The following TRERF1 variants were observed in gnomAD, a reference collection of about 807,000 sequenced individuals.
TRERF1 encodes the protein transcriptional-regulating factor 1.
A neutral mutation model predicts 122.9 loss-of-function variants in TRERF1; 27 were observed. The observed-to-expected ratio is 0.22, with a 90% confidence interval of 0.16 to 0.30. TRERF1 has a LOEUF of 0.30. Ranked by LOEUF, TRERF1 falls within the 10% of genes least tolerant of loss-of-function variation. TRERF1 has a pLI of 1.00. For synonymous variants in TRERF1, 636 were observed against 641.7 expected (o/e 0.99, Z 0.13); for missense variants, 1,248 against 1,560.3 (o/e 0.80, Z 3.37).
At chr6:42,266,633 T>C (rs1779256803) in intron 5 of TRERF1, among the ~76,000 whole-genome samples, 1 of 152,214 alleles carries the variant, frequency 6.6e-6, no homozygotes, top group Admixed American at 6.5e-5. Flanking sequence ...CAGAACTTTC[T>C]TTCTATCCAA....
chr6:42,395,709 T>C (rs563594533), intron 2 of TRERF1, among the ~76,000 whole-genome samples: 35 of 152,078 alleles, frequency 2.3e-4, no homozygotes, highest in African/African-American at 7.5e-4. Flanking sequence ...TCCATGGATT[T>C]TTTTCCAAGG....
intron 3 of TRERF1, among the ~76,000 whole-genome samples, chr6:42,362,443 C>T (rs551645885): frequency 1.3e-5 from 2 of 152,368 alleles, no homozygotes; most frequent in East Asian, 3.9e-4. Context: ...GCTTAAAATT[C>T]TATTTATGCA....
At chr6:42,334,391 T>C (rs1027160025) in intron 3 of TRERF1, among the ~76,000 whole-genome samples, 1 of 152,234 alleles carries the variant, frequency 6.6e-6, no homozygotes, top group Non-Finnish European at 1.5e-5. Flanking sequence ...GTCCCAACTC[T>C]AATAGTCTCA....
chr6:42,417,475 A>G (rs1782004574), intron 2 of TRERF1, among the ~76,000 whole-genome samples: 1 of 152,196 alleles, frequency 6.6e-6, no homozygotes, highest in African/African-American at 2.4e-5. Flanking sequence ...ACCTGAGTGA[A>G]GGGTTAGGAC....
chr6:42,288,192 C>T (rs916484292), intron 4 of TRERF1, among the ~76,000 whole-genome samples: 2 of 151,970 alleles, frequency 1.3e-5, no homozygotes, highest in African/African-American at 2.4e-5. Context: ...GAGACAGTGT[C>T]AGTTATATAG....
chr6:42,258,019 G>A, intron 10 of TRERF1, 116 bp downstream of exon 10: 2 of 884,478 alleles, frequency 2.3e-6, no homozygotes, highest in Admixed American at 2.7e-5. Flanking sequence ...AAATAACCAC[G>A]ATCCTACAAT....
chr6:42,330,339 G>T (rs939613860), intron 3 of TRERF1, among the ~76,000 whole-genome samples: 2 of 152,148 alleles, frequency 1.3e-5, no homozygotes, highest in Non-Finnish European at 2.9e-5. Context: ...CTGGCTAGGG[G>T]GAAAAAGCTA....
intron 3 of TRERF1, among the ~76,000 whole-genome samples, chr6:42,345,342 C>T (rs191826591): frequency 1.3e-4 from 20 of 152,274 alleles, no homozygotes; most frequent in African/African-American, 4.6e-4. Flanking sequence ...TACACACACA[C>T]GGGAGAAGCA....
chr6:42,372,066 C>T (rs914256997), intron 2 of TRERF1, among the ~76,000 whole-genome samples: 93 of 152,226 alleles, frequency 6.1e-4, no homozygotes, highest in Non-Finnish European at 1.2e-4. Flanking sequence ...CCTGTAATCC[C>T]AGCTACTCAG....
At chr6:42,262,466 G>A (rs1206729053) in intron 8 of TRERF1, among the ~76,000 whole-genome samples, 6 of 6,402 alleles carry the variant, frequency 9.4e-4, no homozygotes, top group Non-Finnish European at 1.4e-3. Context: ...GAGAGAGAGA[G>A]GAGAGAGAGA....
At chr6:42,283,518 C>A (rs1478765976) in intron 4 of TRERF1, among the ~76,000 whole-genome samples, 5 of 149,542 alleles carry the variant, frequency 3.3e-5, no homozygotes, top group African/African-American at 1.2e-4. Context: ...GGAGATTTTT[C>A]ATTTTATAAC....
At chr6:42,384,328 C>T (rs1020671062) in intron 2 of TRERF1, among the ~76,000 whole-genome samples, 1 of 152,144 alleles carries the variant, frequency 6.6e-6, no homozygotes, top group African/African-American at 2.4e-5. Flanking sequence ...AGAATGAGGG[C>T]ATCCTCTATG....
At chr6:42,292,833 G>C (rs1439356089) in intron 4 of TRERF1, among the ~76,000 whole-genome samples, 1 of 152,092 alleles carries the variant, frequency 6.6e-6, no homozygotes, top group Non-Finnish European at 1.5e-5. Flanking sequence ...AGAAGGGGTG[G>C]GCCCTGTTAG....
intron 2 of TRERF1, among the ~76,000 whole-genome samples, chr6:42,450,767 TAAC>T (rs1415021069): frequency 6.6e-6 from 1 of 152,192 alleles, no homozygotes; most frequent in Non-Finnish European, 1.5e-5. Context: ...GTGGCCACAC[TAAC>T]TTCTGGGGAG....
At chr6:42,409,265 G>A (rs1289945898) in intron 2 of TRERF1, among the ~76,000 whole-genome samples, 1 of 152,070 alleles carries the variant, frequency 6.6e-6, no homozygotes, top group Non-Finnish European at 1.5e-5. Context: ...GGTGCAGTGA[G>A]ACCCAGTCTC....
chr6:42,318,164 A>G (rs1370677149), intron 3 of TRERF1, among the ~76,000 whole-genome samples: 1 of 152,168 alleles, frequency 6.6e-6, no homozygotes, highest in African/African-American at 2.4e-5. Flanking sequence ...CAAAAAAAAA[A>G]AAAAGCTCTT....
rs868560024 is a variant in TRERF1, at chr6:42,263,516, G to A, written c.1688C>T (p.Pro563Leu). The change falls in exon 8 of 18, where the codon CCG becomes CTG. Residue 563 changes from proline to leucine, a missense_variant. By Grantham distance (98) the Pro-to-Leu change is moderately conservative. Around this residue, in one of 5 missense-constraint regions of TRERF1, gnomAD observed 946 missense variants for 1,073.0 expected, o/e 0.88. Transcript: ENST00000372922. This position sits in a 1 kb window ranked among gnomAD's most constrained non-coding sequence, Gnocchi z 5.6. ...CTGTGGTGGCGGCGGAGGCGGAGGC[G>A]GAGGCGGCAGTGGTGGCTGGGGCTG... 6.4e-6 allele frequency: 10 copies of A among 1,567,304 alleles called. No homozygotes were observed. Among genetic ancestry groups the A allele is most frequent in the Admixed American group, 1.8e-5 (1 of 55,968 alleles).
At chr6:42,270,195 C>G (rs7752373) in intron 4 of TRERF1, among the ~76,000 whole-genome samples, 25,690 of 151,464 alleles carry the variant, frequency 0.17, 2,465 homozygotes, top group South Asian at 0.34. Flanking sequence ...CTCTCTCTCT[C>G]TGTGTGTGTG....
At chr6:42,286,147 G>T (rs1316372516) in intron 4 of TRERF1, among the ~76,000 whole-genome samples, 2 of 147,816 alleles carry the variant, frequency 1.4e-5, no homozygotes, top group Non-Finnish European at 3.0e-5. Context: ...AATTCAAGAT[G>T]GATTAAAGAC....
Sources: gnomAD v4.1 joint callset for allele counts (sites outside exome capture counted in the v4.1 genomes callset) on GRCh38, gnomAD v4.1.1 for gene constraint, gnomAD v4.1.1 regional missense constraint, Gnocchi (gnomAD v3.1) non-coding constraint, MANE v1.5 for transcripts, NCBI Gene and HGNC (gene_info 2026-07-23, HGNC 2026-07-21) for gene names.